Variants in MAPK10 observed in about 807,000 individuals in gnomAD.
The protein encoded by MAPK10 is mitogen-activated protein kinase 10.
In MAPK10, 25 loss-of-function variants were observed where a neutral mutation model predicts 59.3. The ratio of observed to expected loss-of-function variants is 0.42; its 90% confidence interval spans 0.31 to 0.59. The LOEUF (loss-of-function observed/expected upper bound fraction) is 0.59. MAPK10 is among the 20% of genes least tolerant of loss of function. The pLI is 0.15. For missense variants in MAPK10, 351 were observed against 568.9 expected (o/e 0.62, Z 3.90); for synonymous variants, 190 against 200.5 (o/e 0.95, Z 0.44).
Position 86,011,129 on chromosome 4 carries a change from A to G in MAPK10, c.*6099T>C, listed in dbSNP as rs1156820367. The G allele has an allele frequency of 3.9e-5, 6 of 152,248 alleles. No individual in the cohort carries two copies. The highest frequency in any genetic ancestry group is 3.9e-4 in the Admixed American group (6 of 15,284). 9.4% of individuals were successfully genotyped at this position (152,248 alleles called of 1,614,324 possible). ...TGTGTCACCACATTTCATGTGTCTGAGAAATATAAATTTCTACAGCACATT... is the reference window on the plus strand; with the variant it reads ...TGTGTCACCACATTTCATGTGTCTGGGAAATATAAATTTCTACAGCACATT... On this transcript the variant is annotated 3_prime_UTR_variant, in exon 14 of 14. Transcript: ENST00000641462.
chr4:86,257,611 G>A (rs2093803259), intron 2 of MAPK10, among the ~76,000 whole-genome samples: 1 of 152,074 alleles, frequency 6.6e-6, no homozygotes, highest in African/African-American at 2.4e-5. Flanking sequence ...TGACCAGTTT[G>A]ATAATCTTGC....
At chr4:86,129,202 C>T (rs2060588604) in intron 4 of MAPK10, among the ~76,000 whole-genome samples, 1 of 152,022 alleles carries the variant, frequency 6.6e-6, no homozygotes, top group Non-Finnish European at 1.5e-5. Flanking sequence ...GAAACTGAGT[C>T]CCATGGTGGT....
At chr4:86,229,063 A>C (rs768258335) in intron 2 of MAPK10, among the ~76,000 whole-genome samples, 11 of 152,320 alleles carry the variant, frequency 7.2e-5, no homozygotes, top group Admixed American at 2.0e-4. Flanking sequence ...TTCAACCTTC[A>C]TTATGAGTTT....
At chr4:86,160,688 G>C (rs2069309581) in intron 3 of MAPK10, among the ~76,000 whole-genome samples, 1 of 80,500 alleles carries the variant, frequency 1.2e-5, no homozygotes, top group Non-Finnish European at 3.5e-5. Context: ...TGAGTGTCCT[G>C]CCAAAGCTTT....
chr4:86,261,020 C>T (rs907533807), intron 2 of MAPK10, among the ~76,000 whole-genome samples: 1 of 152,118 alleles, frequency 6.6e-6, no homozygotes, highest in African/African-American at 2.4e-5. Flanking sequence ...TATAAGAGGA[C>T]AAAGGAGAAG....
chr4:86,140,778 C>G (rs959859037), intron 4 of MAPK10, among the ~76,000 whole-genome samples: 20 of 152,032 alleles, frequency 1.3e-4, no homozygotes, highest in African/African-American at 2.7e-4. Flanking sequence ...CAGGTGTGCA[C>G]AAATACACAC....
chr4:86,025,586 G>C, intron 13 of MAPK10: 1 of 398,000 alleles, frequency 2.5e-6, no homozygotes, highest in Non-Finnish European at 4.4e-6. Context: ...TATTATTTAA[G>C]AGAAAACAGT....
chr4:86,400,416 CCTCTCTCTCTTT>C (rs1564803102), intron 1 of MAPK10, among the ~76,000 whole-genome samples: 1 of 151,652 alleles, frequency 6.6e-6, no homozygotes, highest in African/African-American at 2.4e-5. Context: ...TTTTCTGGTT[CCTCTCTCTCTTT>C]CTCTCTCTCC....
chr4:86,368,612 A>G (rs1738275638), intron 1 of MAPK10, among the ~76,000 whole-genome samples: 1 of 152,206 alleles, frequency 6.6e-6, no homozygotes, highest in Non-Finnish European at 1.5e-5. Context: ...ACCAACTGTT[A>G]TTAAGCTTAT....
intron 11 of MAPK10, among the ~76,000 whole-genome samples, chr4:86,047,547 T>A (rs2042735457): frequency 1.3e-5 from 2 of 152,146 alleles, no homozygotes; most frequent in African/African-American, 4.8e-5. Flanking sequence ...TGAAAACAAA[T>A]TGGTGTCATC....
At chr4:86,589,625 T>G (rs1205469672) in intron 1 of MAPK10, among the ~76,000 whole-genome samples, 1 of 149,690 alleles carries the variant, frequency 6.7e-6, no homozygotes, top group Non-Finnish European at 1.5e-5. Context: ...GAGGTTGTAG[T>G]GAGACGAGAT....
intron 2 of MAPK10, among the ~76,000 whole-genome samples, chr4:86,216,253 G>A (rs1193955241): frequency 7.0e-6 from 1 of 143,002 alleles, no homozygotes; most frequent in Non-Finnish European, 1.5e-5. Flanking sequence ...TTAGCAAAAT[G>A]TGCTATATAT....
intron 11 of MAPK10, among the ~76,000 whole-genome samples, chr4:86,053,055 T>G (rs2043881905): frequency 6.6e-6 from 1 of 152,140 alleles, no homozygotes; most frequent in Non-Finnish European, 1.5e-5. Flanking sequence ...TCATTGATTT[T>G]GAGAGCAAAG....
chr4:86,363,920 C>T (rs547364916), upstream of MAPK10, among the ~76,000 whole-genome samples: 48 of 151,934 alleles, frequency 3.2e-4, no homozygotes, highest in African/African-American at 1.1e-3. Context: ...GTAGCTGAGA[C>T]TACAGGTGCC....
At chr4:86,234,351 A>G (rs190514454) in intron 2 of MAPK10, among the ~76,000 whole-genome samples, 153 of 152,272 alleles carry the variant, frequency 1.0e-3, no homozygotes, top group African/African-American at 3.0e-3. Flanking sequence ...GTATGCCAAA[A>G]TTCAGAATAG....
chr4:86,164,965 A>ATTC (rs2071117274), intron 3 of MAPK10, among the ~76,000 whole-genome samples: 6 of 152,148 alleles, frequency 3.9e-5, no homozygotes, highest in Non-Finnish European at 5.9e-5. Context: ...AAGAAATTTA[A>ATTC]AGGGCCTGAT....
chr4:86,287,188 C>T (rs1435742799), intron 2 of MAPK10, among the ~76,000 whole-genome samples: 2 of 152,078 alleles, frequency 1.3e-5, no homozygotes, highest in Non-Finnish European at 2.9e-5. Context: ...GATCATAGAC[C>T]AATAAATCTA....
chr4:86,074,951 A>G (rs1467123095), intron 9 of MAPK10, among the ~76,000 whole-genome samples: 7 of 141,624 alleles, frequency 4.9e-5, no homozygotes, highest in African/African-American at 1.1e-4. Context: ...GCCTTGCTAG[A>G]TTGGGGAAGT....
At chr4:86,578,880 T>C (rs1762076157) in intron 1 of MAPK10, among the ~76,000 whole-genome samples, 1 of 152,146 alleles carries the variant, frequency 6.6e-6, no homozygotes, top group African/African-American at 2.4e-5. Context: ...TTTAAAAATC[T>C]GGAAGATAGA....
Sources: gnomAD v4.1 joint callset for allele counts (sites outside exome capture counted in the v4.1 genomes callset) on GRCh38, gnomAD v4.1.1 for gene constraint, MANE v1.5 for transcripts, NCBI Gene and HGNC (gene_info 2026-07-23, HGNC 2026-07-21) for gene names.